ZNF562: variants seen among roughly 807,000 people sequenced by gnomAD.
The protein encoded by ZNF562 is zinc finger protein 562.
Under a neutral mutation model 17.5 loss-of-function variants are expected in ZNF562, and 13 were observed. That is an observed-to-expected ratio of 0.74 (90% CI 0.48 to 1.18). The LOEUF (loss-of-function observed/expected upper bound fraction) is 1.18. ZNF562 is among the 50% of genes most tolerant of loss of function. The probability of loss-of-function intolerance (pLI) is 0.00; values close to 1 mark genes in which losing one functional copy is unlikely to be tolerated. For synonymous variants in ZNF562, 163 were observed against 165.4 expected (o/e 0.99, Z 0.11); for missense variants, 481 against 498.5 (o/e 0.96, Z 0.33).
rs1480842158 is a variant in ZNF562, at chr19:9,644,957, A to T, written c.*7992T>A. 1 of 152,180 alleles carries T rather than the reference A, an allele frequency of 6.6e-6. No individual in the cohort carries two copies. The highest frequency in any genetic ancestry group is 1.5e-5 in the Non-Finnish European group (1 of 68,048). 9.4% of individuals were successfully genotyped at this position (152,180 alleles called of 1,614,324 possible). A position where few individuals can be genotyped will look rare whatever the true frequency, so the allele number is the denominator to read the frequency against. On this transcript the variant is annotated 3_prime_UTR_variant, in exon 6 of 6. Transcript: ENST00000453372. The stretch of plus-strand genomic sequence containing the variant: ...AGTCCTGCTGACTTCCGGCCTCCTG[A>T]GTCCCTAAGCAGAGGAATACGAATT...
At chr19:9,656,871 A>ATAT (rs2043506692) in intron 4 of ZNF562, among the ~76,000 whole-genome samples, 1 of 142,436 alleles carries the variant, frequency 7.0e-6, no homozygotes, top group Non-Finnish European at 1.5e-5. Context: ...AAAATACAAA[A>ATAT]ATATATATAT....
intron 2 of ZNF562, 120 bp from the exon 3 acceptor site, chr19:9,659,587 A>G: frequency 8.1e-7 from 1 of 1,240,454 alleles, no homozygotes; most frequent in Non-Finnish European, 1.1e-6. Context: ...AACTACACAC[A>G]CACAACACTT....
rs1005981307 is a variant in ZNF562, at chr19:9,651,216, G to T, written c.*1733C>A. 1 of 152,150 alleles carries T rather than the reference G, an allele frequency of 6.6e-6. No individual in the cohort carries two copies. Among genetic ancestry groups the T allele is most frequent in the Non-Finnish European group, 1.5e-5 (1 of 68,034 alleles). The allele number at this position is 152,150 out of a possible 1,614,324, so 9.4% of individuals were successfully genotyped here. The stretch of plus-strand genomic sequence containing the variant: ...CAAGCTGGAAATAAGGTTGGTAAGG[G>T]TTATTCTGGTGAGGTGTCATTGGGG... On this transcript the variant is annotated 3_prime_UTR_variant, in exon 6 of 6. Transcript: ENST00000453372.
chr19:9,660,466 A>T (rs2043693492), intron 2 of ZNF562, among the ~76,000 whole-genome samples: 1 of 151,842 alleles, frequency 6.6e-6, no homozygotes, highest in Admixed American at 6.6e-5. Flanking sequence ...TCTCCACTAA[A>T]AATACAAAAT....
In ZNF562 at chr19:9,641,966, A is replaced by C. The variant is rs571710275; in HGVS notation, c.*10983T>G. The C allele has an allele frequency of 1.7e-4, 26 of 152,000 alleles. No individual in the cohort carries two copies. The highest frequency in any genetic ancestry group is 5.8e-4 in the African/African-American group (24 of 41,338). 9.4% of individuals were successfully genotyped at this position (152,000 alleles called of 1,614,324 possible). A position where few individuals can be genotyped will look rare whatever the true frequency, so the allele number is the denominator to read the frequency against. On this transcript the variant is annotated 3_prime_UTR_variant, in exon 6 of 6. Coordinates refer to ENST00000453372, the MANE Select transcript of ZNF562 (RefSeq NM_001130031.2). The stretch of plus-strand genomic sequence containing the variant: ...TGTAGGCAGTGGGGTGGACGTTACA[A>C]AGTACATTCTCAAGGGCGGGGAGGA...
At chr19:9,663,816 A>C (rs1466756390) in intron 1 of ZNF562, among the ~76,000 whole-genome samples, 2 of 151,902 alleles carry the variant, frequency 1.3e-5, no homozygotes, top group Non-Finnish European at 2.9e-5. Flanking sequence ...AGCTGGGACT[A>C]CAGGACTCCA....
At chr19:9,657,836 C>T (rs1320371544) in intron 4 of ZNF562, among the ~76,000 whole-genome samples, 173 bp downstream of exon 4, 4 of 151,964 alleles carry the variant, frequency 2.6e-5, no homozygotes, top group African/African-American at 4.8e-5. Flanking sequence ...CGTGAACCTC[C>T]GGGACCGGCC....
At chr19:9,658,333 A>G in intron 3 of ZNF562, 198 bp from the exon 4 acceptor site, 1 of 985,262 alleles carries the variant, frequency 1.0e-6, no homozygotes, top group Non-Finnish European at 1.2e-6. Flanking sequence ...TGCCTTAAAC[A>G]GCACTTTTTT....
At chr19:9,671,137 C>G (rs534878139) in intron 1 of ZNF562, among the ~76,000 whole-genome samples, 1 of 152,088 alleles carries the variant, frequency 6.6e-6, no homozygotes, top group South Asian at 2.1e-4. Flanking sequence ...AAGAGAATAA[C>G]GATGTTCCTA....
chr19:9,653,245 T>C lies in ZNF562; in HGVS notation c.985A>G (p.Thr329Ala). ...GTTCTTACATGTTGAGTAAGGTGAGTTGATCTAGTGAAGGCTTTCCCACAT... is the reference window on the plus strand; with the variant it reads ...GTTCTTACATGTTGAGTAAGGTGAGCTGATCTAGTGAAGGCTTTCCCACAT... Reference protein sequence around the residue: ...TECGKAFTRSTHLTQHVRTHT... With the variant: ...TECGKAFTRSAHLTQHVRTHT... The change falls in exon 6 of 6, where the codon ACT becomes GCT. Residue 329 changes from threonine (T) to alanine (A), a missense_variant. Physicochemically the swap from Thr to Ala is moderately conservative, Grantham distance 58. Coordinates refer to ENST00000453372, the MANE Select transcript of ZNF562 (RefSeq NM_001130031.2). The C allele has an allele frequency of 1.2e-6, 2 of 1,614,134 alleles. No homozygotes were observed. Among genetic ancestry groups the C allele is most frequent in the Non-Finnish European group, 8.5e-7 (1 of 1,180,024 alleles).
intron 1 of ZNF562, among the ~76,000 whole-genome samples, chr19:9,669,771 C>CAA (rs1294687452): frequency 3.6e-4 from 54 of 151,234 alleles, no homozygotes; most frequent in Non-Finnish European, 4.4e-4. Context: ...CACACACACA[C>CAA]ACACAACCAG....
intron 1 of ZNF562, among the ~76,000 whole-genome samples, chr19:9,667,407 A>G (rs946762460): frequency 1.3e-5 from 2 of 152,202 alleles, no homozygotes; most frequent in African/African-American, 4.8e-5. Context: ...CACGTCCAAC[A>G]TCATACTGAA....
rs1322787281 is a variant in ZNF562, at chr19:9,647,206, TGAG to T, written c.*5740_*5742del. 6.6e-6 allele frequency: 1 copy of T among 151,664 alleles called. No individual in the cohort carries two copies. The highest frequency in any genetic ancestry group is 1.5e-5 in the Non-Finnish European group (1 of 68,018). The allele number at this position is 151,664 out of a possible 1,614,324, so 9.4% of individuals were successfully genotyped here. On this transcript the variant is annotated 3_prime_UTR_variant, in exon 6 of 6. Coordinates refer to ENST00000453372, the MANE Select transcript of ZNF562 (RefSeq NM_001130031.2). ...AAGAGATTCTCCTGCCTCAGCCTCC[TGAG>T]TAGCTGGGATTACAGGGGCACAATA...
At chr19:9,657,209 A>T (rs74257253) in intron 4 of ZNF562, among the ~76,000 whole-genome samples, 5 of 151,528 alleles carry the variant, frequency 3.3e-5, no homozygotes, top group African/African-American at 9.7e-5. Context: ...GAAAATTATC[A>T]GGAAAGGAAA....
chr19:9,659,077 T>TA (rs1344953519), intron 3 of ZNF562, among the ~76,000 whole-genome samples: 1 of 152,244 alleles, frequency 6.6e-6, no homozygotes, highest in Non-Finnish European at 1.5e-5. Flanking sequence ...AATTATTTGA[T>TA]AAAAGGACAC....
At chr19:9,673,154 CCCTT>C (rs1450784522) in intron 1 of ZNF562, among the ~76,000 whole-genome samples, 1 of 152,110 alleles carries the variant, frequency 6.6e-6, no homozygotes, top group Non-Finnish European at 1.5e-5. Context: ...CATCCCCCTA[CCCTT>C]CCTTATTTGG....
chr19:9,657,193 G>A (rs140481800), intron 4 of ZNF562, among the ~76,000 whole-genome samples: 181 of 151,820 alleles, frequency 1.2e-3, no homozygotes, highest in African/African-American at 4.2e-3. Context: ...ATGGGGAACA[G>A]GAAGAGAAAA....
intron 5 of ZNF562, among the ~76,000 whole-genome samples, chr19:9,654,464 A>ATTTAT (rs1484519394): frequency 6.6e-6 from 1 of 151,794 alleles, no homozygotes; most frequent in Non-Finnish European, 1.5e-5. Context: ...TGATTTATTT[A>ATTTAT]TTTATTTTAT....
chr19:9,673,687 T>C (rs1330548444), intron 1 of ZNF562, among the ~76,000 whole-genome samples: 1 of 152,186 alleles, frequency 6.6e-6, no homozygotes, highest in Non-Finnish European at 1.5e-5. Flanking sequence ...AGGCTTAGTC[T>C]ACACGCGTTC....
Sources: gnomAD v4.1 joint callset for allele counts (sites outside exome capture counted in the v4.1 genomes callset) on GRCh38, gnomAD v4.1.1 for gene constraint, MANE v1.5 for transcripts, NCBI Gene and HGNC (gene_info 2026-07-23, HGNC 2026-07-21) for gene names.